The following ARHGAP17 variants were observed in gnomAD, a reference collection of about 807,000 sequenced individuals.
ARHGAP17 encodes the protein rho GTPase-activating protein 17.
In ARHGAP17, 57 loss-of-function variants were observed where a neutral mutation model predicts 99.5. The observed-to-expected ratio is 0.57, with a 90% CI of 0.46 to 0.71. The LOEUF (loss-of-function observed/expected upper bound fraction) is 0.71. ARHGAP17 is among the 30% of genes least tolerant of loss of function. The pLI, the probability that ARHGAP17 is intolerant of heterozygous loss-of-function variation, is 0.00. For synonymous variants in ARHGAP17, 417 were observed against 429.6 expected (o/e 0.97, Z 0.36); for missense variants, 1,000 against 1,122.4 (o/e 0.89, Z 1.56).
At chr16:24,939,292 G>T in intron 17 of ARHGAP17, 72 bp downstream of exon 17, 1 of 1,391,956 alleles carries the variant, frequency 7.2e-7, no homozygotes, top group Non-Finnish European at 9.6e-7. Context: ...TGGATGCCGT[G>T]CTCAAAGGCC....
intron 1 of ARHGAP17, among the ~76,000 whole-genome samples, chr16:25,007,754 T>C (rs2053544770): frequency 6.6e-6 from 1 of 152,206 alleles, no homozygotes; most frequent in South Asian, 2.1e-4. Context: ...TTCAGATGTT[T>C]TCTTTGGCCA....
chr16:24,940,711 A>G (rs2051289256), intron 16 of ARHGAP17, among the ~76,000 whole-genome samples: 1 of 152,054 alleles, frequency 6.6e-6, no homozygotes, highest in African/African-American at 2.4e-5. Context: ...ACAAAAACCA[A>G]AAAGACTGGA....
intron 4 of ARHGAP17, among the ~76,000 whole-genome samples, chr16:24,969,959 C>A (rs779142861): frequency 1.3e-5 from 2 of 152,030 alleles, no homozygotes; most frequent in Non-Finnish European, 2.9e-5. Flanking sequence ...ACCAGCCTTG[C>A]TGCAGGAGCA....
At chr16:24,954,827 G>A in intron 9 of ARHGAP17, 97 bp from the exon 10 acceptor site, 1 of 1,509,950 alleles carries the variant, frequency 6.6e-7, no homozygotes, top group Non-Finnish European at 9.0e-7. Flanking sequence ...CTAGCCGACT[G>A]GTAGGTGAGG....
At position 25,015,324 on chromosome 16, in the gene ARHGAP17, G is replaced by A; in HGVS notation, c.-63C>T. The A allele has an allele frequency of 1.6e-6, 2 of 1,235,896 alleles. No individual in the cohort carries two copies. The highest frequency in any genetic ancestry group is 2.0e-6 in the Non-Finnish European group (2 of 983,268). 76.6% of individuals were successfully genotyped at this position (1,235,896 alleles called of 1,614,324 possible). A position where few individuals can be genotyped will look rare whatever the true frequency, so the allele number is the denominator to read the frequency against. On this transcript the variant is annotated 5_prime_UTR_variant, in exon 1 of 20. Transcript: ENST00000289968. ...GGGCAGGGCGGGGGACAGCCTGGCA[G>A]CTACTACATCGCTTCCCGGCCCAAA...
At chr16:24,939,830 G>A (rs772409017) in intron 16 of ARHGAP17, 7 of 570,876 alleles carry the variant, frequency 1.2e-5, no homozygotes, top group African/African-American at 1.9e-5. Context: ...CAATTTGGGT[G>A]TGAGCAGCTA....
intron 1 of ARHGAP17, among the ~76,000 whole-genome samples, chr16:24,992,807 G>A (rs553649185): frequency 1.3e-5 from 2 of 152,228 alleles, no homozygotes; most frequent in South Asian, 2.1e-4. Context: ...TTCTGTTACC[G>A]TTTATTTATT....
chr16:24,993,575 T>G (rs2053110897), intron 1 of ARHGAP17, among the ~76,000 whole-genome samples: 1 of 141,682 alleles, frequency 7.1e-6, no homozygotes, highest in Non-Finnish European at 1.5e-5. Flanking sequence ...GGCAATAGAG[T>G]GAGACTCTGT....
intron 1 of ARHGAP17, among the ~76,000 whole-genome samples, chr16:24,990,485 C>CA (rs61603680): frequency 0.066 from 9,209 of 138,934 alleles, 894 homozygotes; most frequent in African/African-American, 0.22. Flanking sequence ...GATCTTGTCT[C>CA]AAAAAAAAAA....
intron 7 of ARHGAP17, among the ~76,000 whole-genome samples, chr16:24,961,872 C>G (rs1385114446): frequency 2.1e-5 from 3 of 141,740 alleles, no homozygotes; most frequent in Admixed American, 1.4e-4. Context: ...CAATTAGGTA[C>G]GTATTTCCAA....
In ARHGAP17 at chr16:24,942,035, C is replaced by A; in HGVS notation, c.1442G>T (p.Arg481Leu). ...DSDSGTLERK[R>L]PASMAVMEGD... is the part of the protein sequence containing the mutation. ...TTCCATCACCGCCATGCTAGCAGGC[C>A]GCTTCCTCTCCAGGGTCCCCGAGTC... Residue 481 changes from arginine (R) to leucine (L), a missense_variant, in exon 16 of 20, where the codon CGG becomes CTG. Around this residue, in one of 2 missense-constraint regions of ARHGAP17, gnomAD observed 472 missense variants for 611.1 expected, o/e 0.77. Coordinates refer to ENST00000289968, the MANE Select transcript of ARHGAP17 (RefSeq NM_001006634.3). The A allele has an allele frequency of 6.2e-7, 1 of 1,614,082 alleles. No homozygotes were observed.
intron 6 of ARHGAP17, 117 bp from the exon 7 acceptor site, chr16:24,964,425 T>C: frequency 1.4e-6 from 1 of 722,586 alleles, no homozygotes; most frequent in Non-Finnish European, 2.4e-6. Context: ...GGAAGGGGTA[T>C]CATTGCCCAG....
chr16:25,004,040 A>T (rs1257533279), intron 1 of ARHGAP17, among the ~76,000 whole-genome samples: 1 of 152,186 alleles, frequency 6.6e-6, no homozygotes, highest in African/African-American at 2.4e-5. Context: ...ACAAAAAAAA[A>T]ATATTAAGTT....
At chr16:24,938,868 G>T (rs1468749080) in intron 17 of ARHGAP17, among the ~76,000 whole-genome samples, 1 of 152,180 alleles carries the variant, frequency 6.6e-6, no homozygotes, top group Non-Finnish European at 1.5e-5. Context: ...AAATCTGGGG[G>T]TGTGGAGTGG....
At chr16:24,987,760 T>C (rs2052917954) in intron 1 of ARHGAP17, among the ~76,000 whole-genome samples, 1 of 152,226 alleles carries the variant, frequency 6.6e-6, no homozygotes, top group Non-Finnish European at 1.5e-5. Context: ...TGCTGGCTTT[T>C]ACACTTGCAC....
intron 14 of ARHGAP17, among the ~76,000 whole-genome samples, chr16:24,944,185 C>T (rs779654761): frequency 2.6e-5 from 4 of 151,284 alleles, no homozygotes; most frequent in South Asian, 4.2e-4. Context: ...GCAGGAGAAT[C>T]GCTTGAACCC....
rs1045577183 is a variant in ARHGAP17, at chr16:24,927,228, G to A, written c.2515+3556C>T. Among the ~76,000 whole-genome samples, 4 of 152,192 alleles carry A rather than the reference G, an allele frequency of 2.6e-5. 1 individual carries two copies. The highest frequency in any genetic ancestry group is 4.1e-4 in the South Asian group (2 of 4,832). On this transcript the variant is annotated intron_variant, in intron 19 of 19. Transcript: ENST00000289968. ...GGAGCTTGCAGTGAGCCGAGATTGC[G>A]CGTATATTAAGAACTGTAACTGGCT... is the stretch of plus-strand genomic sequence containing the variant.
chr16:24,961,749 G>C (rs2052008934), intron 7 of ARHGAP17, among the ~76,000 whole-genome samples: 1 of 150,652 alleles, frequency 6.6e-6, no homozygotes, highest in South Asian at 2.1e-4. Context: ...GGTCAGCCTG[G>C]TTTTGAACTC....
rs576505403 is a variant in ARHGAP17 at position 24,944,048 on chromosome 16, G to A, written c.1242-186C>T. 2.5e-4 allele frequency among the ~76,000 whole-genome samples: 38 copies of A among 152,090 alleles called. No homozygotes were observed. In the East Asian group the frequency reaches 6.2e-3, roughly 25 times the overall value. On this transcript the variant is annotated intron_variant, in intron 14 of 19. Coordinates refer to ENST00000289968, the MANE Select transcript of ARHGAP17 (RefSeq NM_001006634.3). ...AGCACTTTGGGAGGCTGAGGCGGGC[G>A]GATCACAAGGTCAAGAGATCGAGAC...
Sources: gnomAD v4.1 joint callset for allele counts (sites outside exome capture counted in the v4.1 genomes callset) on GRCh38, gnomAD v4.1.1 for gene constraint, gnomAD v4.1.1 regional missense constraint, MANE v1.5 for transcripts, NCBI Gene and HGNC (gene_info 2026-07-23, HGNC 2026-07-21) for gene names.